The following STRN variants were observed in gnomAD, a reference collection of about 807,000 sequenced individuals.
STRN encodes the protein protein phosphatase 2 regulatory subunit B'''alpha.
In STRN, 53 loss-of-function variants were observed where a neutral mutation model predicts 96.3. The ratio of observed to expected loss-of-function variants is 0.55; its 90% confidence interval spans 0.44 to 0.69. STRN has a LOEUF of 0.69. STRN is among the 30% of genes least tolerant of loss of function. STRN has a pLI of 0.00. For missense variants in STRN, 987 were observed against 963.9 expected, an observed-to-expected ratio of 1.02 and a Z score of -0.32; for synonymous variants, 428 against 355.9, an observed-to-expected ratio of 1.20 and a Z score of -2.28.
chr2:36,869,788 T>C, intron 10 of STRN, 59 bp from the exon 11 acceptor site: 1 of 1,339,918 alleles, frequency 7.5e-7, no homozygotes, highest in Non-Finnish European at 9.8e-7. Flanking sequence ...GGGAAAAAAC[T>C]TGCATTTCAA....
At chr2:36,873,953 A>G (rs1668832043) in intron 10 of STRN, among the ~76,000 whole-genome samples, 1 of 151,218 alleles carries the variant, frequency 6.6e-6, no homozygotes, top group Non-Finnish European at 1.5e-5. Flanking sequence ...AAAAAAAAAA[A>G]AAATTCAAGA....
chr2:36,886,313 C>G (rs896963063), intron 8 of STRN, among the ~76,000 whole-genome samples: 1 of 152,108 alleles, frequency 6.6e-6, no homozygotes, highest in African/African-American at 2.4e-5. Context: ...TCACCAATGT[C>G]TAAAATTATA....
chr2:36,909,543 A>C (rs184940536), intron 3 of STRN, among the ~76,000 whole-genome samples: 1 of 152,308 alleles, frequency 6.6e-6, no homozygotes, highest in East Asian at 1.9e-4. Context: ...CAAACAGGTA[A>C]GCCTCATGAT....
intron 7 of STRN, among the ~76,000 whole-genome samples, chr2:36,890,477 CTTTTTTTTTT>C: frequency 9.6e-6 from 1 of 104,624 alleles, no homozygotes; most frequent in East Asian, 2.7e-4. Context: ...CACCAGAAAA[CTTTTTTTTTT>C]TTTTTTTTTT....
Position 36,844,506 on chromosome 2 carries a change from T to A in STRN, c.*4950A>T, listed in dbSNP as rs2148114260. ...GACATTAGAATCTAAATTAAAATGA[T>A]TTTGAAAATTTGCATCAGAGAGATG... On this transcript the variant is annotated 3_prime_UTR_variant, in exon 18 of 18. Coordinates refer to ENST00000263918, the MANE Select transcript of STRN (RefSeq NM_003162.4). 6.6e-6 allele frequency: 1 copy of A among 152,212 alleles called. No individual in the cohort carries two copies. The highest frequency in any genetic ancestry group is 2.1e-4 in the South Asian group (1 of 4,820). The allele number at this position is 152,212 out of a possible 1,614,324, so 9.4% of individuals were successfully genotyped here.
chr2:36,868,863 A>G (rs1340438918), intron 11 of STRN, among the ~76,000 whole-genome samples: 1 of 150,466 alleles, frequency 6.6e-6, no homozygotes, highest in Admixed American at 6.6e-5. Context: ...TTGCTGGCAG[A>G]TGCTGGTTCT....
chr2:36,861,120 GA>G lies in STRN; in HGVS notation c.1669+11del, dbSNP rs1668467953. ...CAATTTTATTCCTTCAGATCTTTGG[GA>G]AATCACCTACCATAAGAATCATAGG... On this transcript the variant is annotated intron_variant, in intron 13 of 17. Coordinates refer to ENST00000263918, the MANE Select transcript of STRN (RefSeq NM_003162.4). 3.1e-6 allele frequency: 5 copies of G among 1,610,978 alleles called. No homozygotes were observed. Among genetic ancestry groups the G allele is most frequent in the Non-Finnish European group, 3.4e-6 (4 of 1,179,224 alleles).
At chr2:36,947,970 C>G (rs1032598641) in intron 1 of STRN, among the ~76,000 whole-genome samples, 2 of 150,920 alleles carry the variant, frequency 1.3e-5, no homozygotes, top group African/African-American at 4.9e-5. Flanking sequence ...ACTACTTTGG[C>G]TAATTTTTTT....
chr2:36,948,715 G>C (rs1664677538), intron 1 of STRN, among the ~76,000 whole-genome samples: 1 of 152,094 alleles, frequency 6.6e-6, no homozygotes, highest in African/African-American at 2.4e-5. Context: ...TAAGAAGCAA[G>C]TAAAAAACAG....
intron 10 of STRN, among the ~76,000 whole-genome samples, chr2:36,871,163 T>A (rs568542972): frequency 2.0e-5 from 3 of 152,196 alleles, no homozygotes; most frequent in Non-Finnish European, 2.9e-5. Context: ...CTGAAGAAAA[T>A]TTTTTATATA....
intron 15 of STRN, among the ~76,000 whole-genome samples, chr2:36,853,602 G>T (rs893874996): frequency 6.6e-6 from 1 of 152,124 alleles, no homozygotes; most frequent in Non-Finnish European, 1.5e-5. Flanking sequence ...AACTACCTTT[G>T]ACTTTACCAC....
At chr2:36,865,014 CCCT>C (rs1014147153) in intron 12 of STRN, among the ~76,000 whole-genome samples, 4 of 152,186 alleles carry the variant, frequency 2.6e-5, no homozygotes, top group African/African-American at 9.7e-5. Context: ...TGCACCCGGC[CCCT>C]CCTCCTCAAT....
rs1163903614 is a variant in STRN at position 36,845,654 on chromosome 2, T to G, written c.*3802A>C. ...AGCCAACATTAATGAGATCCCATAA[T>G]TTTGGTGAACAAATAATTTCTCCTT... is the stretch of plus-strand genomic sequence containing the variant. On this transcript the variant is annotated 3_prime_UTR_variant, in exon 18 of 18. Coordinates refer to ENST00000263918, the MANE Select transcript of STRN (RefSeq NM_003162.4). The G allele has an allele frequency of 5.9e-5, 9 of 152,136 alleles. No individual in the cohort carries two copies. The highest frequency in any genetic ancestry group is 2.2e-4 in the African/African-American group (9 of 41,434). 9.4% of individuals were successfully genotyped at this position (152,136 alleles called of 1,614,324 possible). A position where few individuals can be genotyped will look rare whatever the true frequency, so the allele number is the denominator to read the frequency against.
chr2:36,893,786 T>A (rs1394539961), intron 7 of STRN, 112 bp downstream of exon 7: 1 of 1,347,750 alleles, frequency 7.4e-7, no homozygotes, highest in African/African-American at 1.5e-5. Flanking sequence ...AGTAATAAGT[T>A]CACAGAATGC....
chr2:36,914,323 T>C (rs1670036719), intron 3 of STRN, among the ~76,000 whole-genome samples: 1 of 152,226 alleles, frequency 6.6e-6, no homozygotes, highest in African/African-American at 2.4e-5. Flanking sequence ...ATATATTGCA[T>C]CTAGGCTTCT....
chr2:36,875,297 C>A lies in STRN; in HGVS notation c.1323+2594G>T, dbSNP rs538573825. On this transcript the variant is annotated intron_variant, in intron 10 of 17. Transcript: ENST00000263918. ...GGCTGAGGTGGGCAGACTGCTTGAG[C>A]CCAGCAGTTCAAGACTAGCCTGGGC... Among the ~76,000 whole-genome samples, 8 of 152,070 alleles carry A rather than the reference C, an allele frequency of 5.3e-5. No homozygotes were observed. In the East Asian group the frequency reaches 1.6e-3, roughly 29 times the overall value.
intron 2 of STRN, among the ~76,000 whole-genome samples, chr2:36,917,009 C>T (rs574508916): frequency 6.9e-6 from 1 of 144,638 alleles, no homozygotes; most frequent in African/African-American, 2.6e-5. Context: ...TGTGTTAAGA[C>T]TGGGACTCTG....
chr2:36,864,133 T>C (rs1021957190), intron 12 of STRN, among the ~76,000 whole-genome samples: 6 of 152,160 alleles, frequency 3.9e-5, no homozygotes, highest in South Asian at 2.1e-4. Context: ...TTCTTCCTAT[T>C]TGAATGCCTT....
chr2:36,874,730 A>AAAAC (rs1553395098), intron 10 of STRN, among the ~76,000 whole-genome samples: 133 of 149,618 alleles, frequency 8.9e-4, no homozygotes, highest in South Asian at 3.4e-3. Context: ...AAAAAAAAAA[A>AAAAC]AAAAAAAAAA....
Sources: gnomAD v4.1 joint callset for allele counts (sites outside exome capture counted in the v4.1 genomes callset) on GRCh38, gnomAD v4.1.1 for gene constraint, MANE v1.5 for transcripts, NCBI Gene and HGNC (gene_info 2026-07-23, HGNC 2026-07-21) for gene names.